Variants in GALNTL5 observed in about 807,000 individuals in gnomAD.
The protein encoded by GALNTL5 is polypeptide N-acetylgalactosaminyltransferase like 5.
In GALNTL5, 44 loss-of-function variants were observed where a neutral mutation model predicts 51.0. That is an observed-to-expected ratio of 0.86 (90% confidence interval 0.68 to 1.11). The LOEUF is 1.11. GALNTL5 is among the 50% of genes least tolerant of loss of function. The pLI, the probability that GALNTL5 is intolerant of heterozygous loss-of-function variation, is 0.00. For missense variants in GALNTL5, 528 were observed against 531.8 expected (o/e 0.99, Z 0.07); for synonymous variants, 192 against 182.8 (o/e 1.05, Z -0.41).
chr7:151,987,055 C>G (rs2081367224), intron 4 of GALNTL5, 104 bp from the exon 5 acceptor site: 2 of 1,024,412 alleles, frequency 2.0e-6, no homozygotes, highest in Admixed American at 3.4e-5. Context: ...GTTAGAACTT[C>G]TGTGGAATAG....
At chr7:151,980,034 T>C (rs1207698356) in intron 3 of GALNTL5, among the ~76,000 whole-genome samples, 1 of 151,702 alleles carries the variant, frequency 6.6e-6, no homozygotes, top group Non-Finnish European at 1.5e-5. Context: ...TTCAGTCTAG[T>C]ATCATATTTT....
chr7:151,961,383 C>T (rs1362700209), intron 1 of GALNTL5, among the ~76,000 whole-genome samples: 6 of 151,866 alleles, frequency 4.0e-5, no homozygotes, highest in African/African-American at 7.3e-5. Context: ...GGTGGGCACC[C>T]GTAGTCCCAA....
intron 1 of GALNTL5, among the ~76,000 whole-genome samples, chr7:151,964,970 A>G (rs2081040040): frequency 6.6e-6 from 1 of 152,136 alleles, no homozygotes; most frequent in Non-Finnish European, 1.5e-5. Flanking sequence ...CCACATCCAC[A>G]TATTCTAAGT....
rs577024657 is a variant in GALNTL5 at position 152,007,781 on chromosome 7, T to C, written c.909-46T>C. 9 of 1,061,100 alleles carry C rather than the reference T, an allele frequency of 8.5e-6. No individual in the cohort carries two copies. The South Asian group carries it at 1.2e-4, about 14-fold the overall frequency. The allele number at this position is 1,061,100 out of a possible 1,614,324, so 65.7% of individuals were successfully genotyped here. ...ATATAATTTTGAGGAAACTACAGAA[T>C]GACTTTCTCTGTGAAATTAATTTCA... is the stretch of plus-strand genomic sequence containing the variant. On this transcript the variant is annotated intron_variant, in intron 6 of 8. Coordinates refer to ENST00000392800, the MANE Select transcript of GALNTL5 (RefSeq NM_145292.4).
intron 5 of GALNTL5, among the ~76,000 whole-genome samples, chr7:152,000,018 A>G (rs1400171277): frequency 3.9e-5 from 6 of 152,354 alleles, no homozygotes; most frequent in African/African-American, 1.4e-4. Context: ...GGTGAGAGAG[A>G]CTTGATATGA....
At chr7:151,971,544 CT>C (rs2081142312) in intron 3 of GALNTL5, among the ~76,000 whole-genome samples, 1 of 151,854 alleles carries the variant, frequency 6.6e-6, no homozygotes, top group African/African-American at 2.4e-5. Flanking sequence ...CATTTTAATC[CT>C]CTTTAAATGT....
At chr7:152,008,386 T>C (rs1352845208) in intron 7 of GALNTL5, among the ~76,000 whole-genome samples, 2 of 151,844 alleles carry the variant, frequency 1.3e-5, no homozygotes, top group African/African-American at 4.8e-5. Flanking sequence ...TAGACTCTAC[T>C]TCTTAAAATA....
rs74416579 is a variant in GALNTL5, at chr7:152,007,132, G to T, written c.909-695G>T. ...CTACTATTGGTGGACAAAACAAGATGCTTCTTAATATTATGGTTTGTCCAG... is the reference window on the plus strand; with the variant it reads ...CTACTATTGGTGGACAAAACAAGATTCTTCTTAATATTATGGTTTGTCCAG... On this transcript the variant is annotated intron_variant, in intron 6 of 8. Coordinates refer to ENST00000392800, the MANE Select transcript of GALNTL5 (RefSeq NM_145292.4). Among the ~76,000 whole-genome samples the T allele has an allele frequency of 6.8e-3, 1,031 of 152,170 alleles. 8 individuals carry two copies. Among genetic ancestry groups the T allele is most frequent in the African/African-American group, 0.024 (979 of 41,508 alleles).
chr7:151,976,668 T>TTA (rs755046789), intron 3 of GALNTL5, among the ~76,000 whole-genome samples: 3 of 151,932 alleles, frequency 2.0e-5, no homozygotes, highest in African/African-American at 4.8e-5. Flanking sequence ...CTTCCCACTT[T>TTA]TATATATATA....
chr7:151,992,982 A>G (rs1399992995), intron 5 of GALNTL5, among the ~76,000 whole-genome samples: 1 of 152,150 alleles, frequency 6.6e-6, no homozygotes, highest in Non-Finnish European at 1.5e-5. Context: ...TCATGCCTAG[A>G]ATCCCCGCAC....
At chr7:151,977,175 C>A (rs887687026) in intron 3 of GALNTL5, among the ~76,000 whole-genome samples, 4 of 152,040 alleles carry the variant, frequency 2.6e-5, no homozygotes, top group African/African-American at 9.7e-5. Context: ...ACCAATATTT[C>A]AAATACAAAA....
intron 7 of GALNTL5, among the ~76,000 whole-genome samples, chr7:152,011,596 T>A (rs1411697594): frequency 1.3e-5 from 2 of 152,240 alleles, no homozygotes; most frequent in East Asian, 3.8e-4. Context: ...ACCTCTTAGA[T>A]ATCAATGCCA....
In GALNTL5 at chr7:151,987,209, G is replaced by T. The variant is rs75797831; in HGVS notation, c.586G>T (p.Val196Phe). The T allele has an allele frequency of 6.3e-7, 1 of 1,598,672 alleles. No homozygotes were observed. The highest frequency in any genetic ancestry group is 8.5e-7 in the Non-Finnish European group (1 of 1,175,468). ...DYHLETFRGKVKIIRNKKREG... is the reference protein window; with the variant it reads ...DYHLETFRGKFKIIRNKKREG... The stretch of plus-strand genomic sequence containing the variant: ...TCACCTGGAAACTTTTCGGGGAAAG[G>T]TTAAAATAATAAGAAACAAAAAGAG... The change falls in exon 5 of 9, where the codon GTT becomes TTT. Residue 196 changes from valine to phenylalanine, a missense_variant. Transcript: ENST00000392800.
At chr7:152,001,051 A>G (rs1346659644) in intron 5 of GALNTL5, among the ~76,000 whole-genome samples, 2 of 146,164 alleles carry the variant, frequency 1.4e-5, no homozygotes, top group African/African-American at 2.5e-5. Context: ...GATTACAGGC[A>G]CCCACCACCA....
At chr7:152,014,835 G>A (rs201563853) in intron 8 of GALNTL5, 42 bp downstream of exon 8, 39 of 1,551,410 alleles carry the variant, frequency 2.5e-5, no homozygotes, top group East Asian at 1.1e-4. Flanking sequence ...ATGCGAGGCC[G>A]GAGCAGGACT....
At chr7:151,988,392 C>T (rs905903980) in intron 5 of GALNTL5, among the ~76,000 whole-genome samples, 7 of 152,032 alleles carry the variant, frequency 4.6e-5, no homozygotes, top group Admixed American at 2.0e-4. Context: ...CCACGGGAGG[C>T]GAATCATTTG....
chr7:151,979,426 T>TA (rs1235952843), intron 3 of GALNTL5, among the ~76,000 whole-genome samples: 1 of 151,114 alleles, frequency 6.6e-6, no homozygotes, highest in East Asian at 2.0e-4. Flanking sequence ...CTTTTACTCT[T>TA]AAAAACAGCT....
At chr7:152,014,174 C>T (rs1000288156) in intron 7 of GALNTL5, among the ~76,000 whole-genome samples, 2 of 152,176 alleles carry the variant, frequency 1.3e-5, no homozygotes, top group Admixed American at 6.5e-5. Context: ...TTAGTTTCCT[C>T]ATCTGTAAAA....
Position 152,014,769 on chromosome 7 carries a change from G to A in GALNTL5, c.1152G>A (p.Val384=), listed in dbSNP as rs778087367. The change falls in exon 8 of 9, where the codon GTG becomes GTA. Residue 384 remains valine (V), a synonymous_variant. Transcript: ENST00000392800. ...SAMTHNYLRL[V]HVWLDEYKEQ... ...TGACACATAACTACCTAAGACTGGT[G>A]CACGTTTGGCTGGATGAATATAAGG... The A allele has an allele frequency of 2.5e-6, 4 of 1,611,410 alleles. No homozygotes were observed. Among genetic ancestry groups the A allele is most frequent in the Non-Finnish European group, 2.5e-6 (3 of 1,179,234 alleles).
Sources: allele counts gnomAD v4.1 joint callset (sites outside exome capture counted in the v4.1 genomes callset), GRCh38; gene constraint gnomAD v4.1.1; transcripts MANE v1.5; gene names NCBI Gene and HGNC (gene_info 2026-07-23, HGNC 2026-07-21).